The following MS4A18 variants were observed in gnomAD, a reference collection of about 807,000 sequenced individuals.
The protein encoded by MS4A18 is membrane spanning 4-domains A18, also known as membrane-spanning 4-domains subfamily A member 18.
Under a neutral mutation model 13.1 loss-of-function variants are expected in MS4A18, and 27 were observed. The ratio of observed to expected loss-of-function variants is 2.06; its 90% CI spans 1.52 to 2.84. The LOEUF (loss-of-function observed/expected upper bound fraction) is 2.84. Ranked by LOEUF, MS4A18 falls within the 30% of genes most tolerant of loss-of-function variation. The probability of loss-of-function intolerance (pLI) is 0.00; values close to 1 mark genes in which losing one functional copy is unlikely to be tolerated. For synonymous variants in MS4A18, 126 were observed against 76.5 expected (o/e 1.65, Z -3.38); for missense variants, 307 against 196.4 (o/e 1.56, Z -3.37).
downstream of MS4A18, chr11:60,744,274 T>C (rs186301202): frequency 2.6e-6 from 1 of 389,418 alleles, no homozygotes; most frequent in East Asian, 5.6e-5. Context: ...TGGTTCCTGA[T>C]GTATGCTCAC....
At chr11:60,736,457 T>C (rs1336134375) in intron 2 of MS4A18, among the ~76,000 whole-genome samples, 1 of 152,038 alleles carries the variant, frequency 6.6e-6, no homozygotes, top group African/African-American at 2.4e-5. Flanking sequence ...CATCACCTGC[T>C]CAGCAGCATC....
At chr11:60,732,483 A>G (rs576266424) in intron 1 of MS4A18, among the ~76,000 whole-genome samples, 6 of 152,030 alleles carry the variant, frequency 3.9e-5, no homozygotes, top group Non-Finnish European at 8.8e-5. Flanking sequence ...TAATCCCAGC[A>G]CTTTAAGAGG....
At chr11:60,743,594 C>A (rs767711928) in intron 5 of MS4A18, 56 bp from the exon 7 acceptor site, 1 of 673,802 alleles carries the variant, frequency 1.5e-6, no homozygotes, top group Admixed American at 2.1e-5. Context: ...AAATTATGGC[C>A]ATTGTTGTTG....
chr11:60,733,749 T>C, intron 2 of MS4A18, 102 bp downstream of exon 3: 1 of 690,042 alleles, frequency 1.4e-6, no homozygotes. Flanking sequence ...GTAATATGAC[T>C]CTGTAGACTA....
At chr11:60,725,629 A>G (rs1387785552), upstream of MS4A18, among the ~76,000 whole-genome samples, 1 of 152,190 alleles carries the variant, frequency 6.6e-6, no homozygotes, top group Non-Finnish European at 1.5e-5. Context: ...TCTGAAAAAA[A>G]GGAAGAGAGA....
At chr11:60,738,508 A>C (rs1331585765) in intron 3 of MS4A18, among the ~76,000 whole-genome samples, 1 of 152,122 alleles carries the variant, frequency 6.6e-6, no homozygotes, top group Non-Finnish European at 1.5e-5. Flanking sequence ...TTCCCAAACA[A>C]ATCCAGTCCC....
intron 1 of MS4A18, among the ~76,000 whole-genome samples, chr11:60,730,864 G>A (rs1480327084): frequency 6.6e-6 from 1 of 152,204 alleles, no homozygotes; most frequent in African/African-American, 2.4e-5. Context: ...GGAGGCCAAG[G>A]CAGGCAGATT....
At chr11:60,741,215 C>T in intron 5 of MS4A18, 72 bp downstream of exon 6, 1 of 701,078 alleles carries the variant, frequency 1.4e-6, no homozygotes, top group Non-Finnish European at 2.6e-6. Context: ...CAAGAGGTAA[C>T]CAGAGATCTG....
chr11:60,734,314 T>C (rs1853304232), intron 2 of MS4A18, among the ~76,000 whole-genome samples: 1 of 152,128 alleles, frequency 6.6e-6, no homozygotes, highest in Admixed American at 6.5e-5. Flanking sequence ...TTGTGTGCTA[T>C]AGACAGCATC....
At chr11:60,726,717 C>CTTTATTTTA (rs1554966195), upstream of MS4A18, among the ~76,000 whole-genome samples, 1 of 124,910 alleles carries the variant, frequency 8.0e-6, no homozygotes, top group African/African-American at 3.1e-5. Flanking sequence ...TGGGGTAACA[C>CTTTATTTTA]TTTTATTTTA....
chr11:60,743,698 A>G, exon 6 of MS4A18: 1 of 702,938 alleles, frequency 1.4e-6, no homozygotes. Flanking sequence ...AGCCAATACC[A>G]CCACCAGCCC....
At position 60,739,708 on chromosome 11, in the gene MS4A18, T is replaced by C. The variant is rs564005144; in HGVS notation, c.744+711T>C. On this transcript the variant is annotated intron_variant, in intron 4 of 5. Coordinates refer to ENST00000529108, the Ensembl canonical transcript of MS4A18. Reference sequence around the variant, plus strand: ...ATTCCCTAGTGCTTCCAGTCTGCCATGCTCATGGGCAAAGGAGTTTCTTGT... The same window carrying C: ...ATTCCCTAGTGCTTCCAGTCTGCCACGCTCATGGGCAAAGGAGTTTCTTGT... Among the ~76,000 whole-genome samples the C allele has an allele frequency of 1.2e-4, 19 of 152,364 alleles. No individual in the cohort carries two copies. The East Asian group carries it at 3.7e-3, about 29-fold the overall frequency.
At chr11:60,733,280 A>C (rs538477254) in intron 1 of MS4A18, among the ~76,000 whole-genome samples, 6 of 152,334 alleles carry the variant, frequency 3.9e-5, no homozygotes, top group African/African-American at 1.4e-4. Flanking sequence ...TTGCTCTGTT[A>C]TAGGCTGTCT....
upstream of MS4A18, among the ~76,000 whole-genome samples, chr11:60,728,408 G>A (rs1034545182): frequency 1.4e-5 from 2 of 141,448 alleles, no homozygotes; most frequent in Admixed American, 6.9e-5. Flanking sequence ...GTATGTATGT[G>A]TGTGTGTGTG....
chr11:60,744,205 T>C, exon 6 of MS4A18: 1 of 554,654 alleles, frequency 1.8e-6, no homozygotes. Flanking sequence ...ATAAATAATT[T>C]TCCTTTGGCT....
intron 5 of MS4A18, 107 bp downstream of exon 6, chr11:60,741,250 G>C: frequency 4.4e-6 from 3 of 689,416 alleles, no homozygotes; most frequent in Non-Finnish European, 8.0e-6. Context: ...GAGAGAGGGT[G>C]TATCAGTTAA....
chr11:60,729,552 G>A (rs1253566465), exon 1 of MS4A18: 11 of 702,618 alleles, frequency 1.6e-5, no homozygotes, highest in Admixed American at 8.0e-5. Flanking sequence ...AACCCATTGG[G>A]TATCAGCGAC....
Position 60,741,153 on chromosome 11 carries a change from G to A in MS4A18, c.858+10G>A, listed in dbSNP as rs757855312. 1 of 702,952 alleles carries A rather than the reference G, an allele frequency of 1.4e-6. No homozygotes were observed. The highest frequency in any genetic ancestry group is 1.5e-5 in the South Asian group (1 of 67,582). 43.5% of individuals were successfully genotyped at this position (702,952 alleles called of 1,614,324 possible). On this transcript the variant is annotated intron_variant, in intron 5 of 5. Transcript: ENST00000529108. ...CTGCAGACAATTTGAGGTAAGCATTGGACTCTGTTCCAGGAATCAGATCAT... is the reference window on the plus strand; with the variant it reads ...CTGCAGACAATTTGAGGTAAGCATTAGACTCTGTTCCAGGAATCAGATCAT...
rs7111025 is a variant in MS4A18, at chr11:60,740,917, T to G, written c.745-113T>G. The G allele has an allele frequency of 4.8e-3, 3,267 of 678,560 alleles. 66 individuals are homozygous for G. The highest frequency in any genetic ancestry group is 0.047 in the African/African-American group (2,696 of 56,944). 42.0% of individuals were successfully genotyped at this position (678,560 alleles called of 1,614,324 possible). ...CAAGCACCTGCTCCAAAGGGCCACA[T>G]GCAGAGAGGGTCTCAGGCCTTCCAG... On this transcript the variant is annotated intron_variant, in intron 4 of 5. Transcript: ENST00000529108.
Sources: allele counts gnomAD v4.1 joint callset (sites outside exome capture counted in the v4.1 genomes callset), GRCh38; gene constraint gnomAD v4.1.1; transcripts MANE v1.5; gene names NCBI Gene and HGNC (gene_info 2026-07-23, HGNC 2026-07-21).